RBMS3: variants seen among roughly 807,000 people sequenced by gnomAD.
The protein encoded by RBMS3 is RNA-binding motif, single-stranded-interacting protein 3.
Under a neutral mutation model 66.8 loss-of-function variants are expected in RBMS3, and 27 were observed. The ratio of observed to expected loss-of-function variants is 0.40; its 90% CI spans 0.30 to 0.56. The LOEUF (loss-of-function observed/expected upper bound fraction) is 0.56, where lower values mean the gene tolerates loss of function less well. Ranked by LOEUF, RBMS3 falls within the 20% of genes least tolerant of loss-of-function variation. RBMS3 has a pLI of 0.40. For synonymous variants in RBMS3, 188 were observed against 183.0 expected, an observed-to-expected ratio of 1.03 and a Z score of -0.22; for missense variants, 513 against 549.5, an observed-to-expected ratio of 0.93 and a Z score of 0.66.
intron 4 of RBMS3, among the ~76,000 whole-genome samples, chr3:29,645,991 C>A (rs531527269): frequency 2.0e-5 from 3 of 152,326 alleles, no homozygotes; most frequent in Non-Finnish European, 4.4e-5. Flanking sequence ...CTTAGGCAAT[C>A]TTGCTGGTTA....
At chr3:29,501,607 A>G (rs367826280) in intron 3 of RBMS3, among the ~76,000 whole-genome samples, 2 of 152,106 alleles carry the variant, frequency 1.3e-5, no homozygotes, top group African/African-American at 4.8e-5. Flanking sequence ...CCCTATCTGC[A>G]TTAGCATTTA....
chr3:29,864,618 G>A (rs9835824), intron 6 of RBMS3, among the ~76,000 whole-genome samples: 91 of 152,126 alleles, frequency 6.0e-4, no homozygotes, highest in Middle Eastern at 3.4e-3. Context: ...ACACATGACC[G>A]GGTTTCACAG....
intron 14 of RBMS3, among the ~76,000 whole-genome samples, chr3:29,998,930 T>C (rs1202054235): frequency 8.6e-5 from 13 of 151,918 alleles, no homozygotes; most frequent in Admixed American, 7.2e-4. Context: ...GGGATCTAAT[T>C]AAACTAAAGA....
intron 1 of RBMS3, 107 bp downstream of exon 1, chr3:29,281,863 C>A: frequency 2.3e-6 from 2 of 872,474 alleles, no homozygotes; most frequent in Non-Finnish European, 3.6e-6. Context: ...CCCATCACTT[C>A]TTCCTGCTTC....
At chr3:29,862,286 A>G (rs1309857875) in intron 6 of RBMS3, among the ~76,000 whole-genome samples, 1 of 152,206 alleles carries the variant, frequency 6.6e-6, no homozygotes, top group Non-Finnish European at 1.5e-5. Flanking sequence ...CCAGGTGATG[A>G]GTCCAGTGCT....
chr3:29,435,259 T>G (rs545290593), intron 2 of RBMS3, among the ~76,000 whole-genome samples: 1 of 152,322 alleles, frequency 6.6e-6, no homozygotes, highest in East Asian at 1.9e-4. Flanking sequence ...ACGATTTTCT[T>G]GAGAAGTATT....
At chr3:29,423,418 T>C (rs1286953960) in intron 1 of RBMS3, among the ~76,000 whole-genome samples, 2 of 152,234 alleles carry the variant, frequency 1.3e-5, no homozygotes, top group Non-Finnish European at 2.9e-5. Flanking sequence ...GAGGTATCAG[T>C]TGAAAGAGAG....
At chr3:29,974,374 T>A (rs1697417658) in intron 12 of RBMS3, among the ~76,000 whole-genome samples, 1 of 151,994 alleles carries the variant, frequency 6.6e-6, no homozygotes, top group South Asian at 2.1e-4. Context: ...TCCTTTTGAA[T>A]GAATAAATTG....
At chr3:29,818,030 A>T (rs1384834617) in intron 6 of RBMS3, among the ~76,000 whole-genome samples, 3 of 152,132 alleles carry the variant, frequency 2.0e-5, no homozygotes. Flanking sequence ...TCAATGTTTC[A>T]GCAATCTTCT....
Position 29,991,223 on chromosome 3 carries a change from G to A in RBMS3, c.1307+14G>A. ...CCAACAGTCTAAGTAAGTCTGGGCT[G>A]TGCTAAGCTCTTTTCCTCAAGATCA... is the stretch of plus-strand genomic sequence containing the variant. On this transcript the variant is annotated intron_variant, in intron 14 of 14. Transcript: ENST00000383767. The A allele has an allele frequency of 6.2e-7, 1 of 1,613,970 alleles. No homozygotes were observed. The highest frequency in any genetic ancestry group is 1.1e-5 in the South Asian group (1 of 91,016).
At chr3:29,828,879 C>G (rs909919021) in intron 6 of RBMS3, among the ~76,000 whole-genome samples, 1 of 152,102 alleles carries the variant, frequency 6.6e-6, no homozygotes, top group Admixed American at 6.5e-5. Context: ...TTTTTGTTCC[C>G]ATTCTAAAGA....
chr3:29,479,199 C>G (rs1219167695), intron 2 of RBMS3, among the ~76,000 whole-genome samples: 1 of 151,852 alleles, frequency 6.6e-6, no homozygotes, highest in South Asian at 2.1e-4. Flanking sequence ...ATAATATCAA[C>G]TAATTATGTA....
intron 6 of RBMS3, among the ~76,000 whole-genome samples, chr3:29,861,996 T>TA (rs776340208): frequency 2.6e-5 from 4 of 152,178 alleles, no homozygotes; most frequent in Non-Finnish European, 5.9e-5. Context: ...TAACTACTGT[T>TA]AAAAGAGACT....
At chr3:29,608,924 T>C (rs2048400230) in intron 4 of RBMS3, among the ~76,000 whole-genome samples, 2 of 151,796 alleles carry the variant, frequency 1.3e-5, no homozygotes, top group African/African-American at 4.8e-5. Flanking sequence ...TAATAGAAAG[T>C]GTGGTTTATG....
chr3:29,331,469 C>T (rs1312227042), intron 1 of RBMS3, among the ~76,000 whole-genome samples: 3 of 152,052 alleles, frequency 2.0e-5, no homozygotes, highest in Non-Finnish European at 4.4e-5. Context: ...CTCTTGCTTG[C>T]CTTATTTCCC....
chr3:29,650,486 T>C (rs879503114), intron 4 of RBMS3, among the ~76,000 whole-genome samples: 6 of 152,098 alleles, frequency 3.9e-5, no homozygotes, highest in Non-Finnish European at 5.9e-5. Context: ...AGACACCATG[T>C]CTCATTTTGT....
intron 6 of RBMS3, among the ~76,000 whole-genome samples, chr3:29,843,272 T>C (rs1156301518): frequency 2.6e-5 from 4 of 152,216 alleles, no homozygotes; most frequent in South Asian, 4.1e-4. Flanking sequence ...TGCATATTTT[T>C]AGAAGACAAA....
intron 4 of RBMS3, among the ~76,000 whole-genome samples, chr3:29,707,722 G>T (rs56063841): frequency 6.6e-6 from 1 of 152,168 alleles, no homozygotes; most frequent in African/African-American, 2.4e-5. Flanking sequence ...ATGGTCCCCT[G>T]CCATTTCTCT....
At chr3:29,450,014 G>T (rs781720485) in intron 2 of RBMS3, among the ~76,000 whole-genome samples, 17 of 152,228 alleles carry the variant, frequency 1.1e-4, no homozygotes, top group South Asian at 2.1e-4. Context: ...TATTTCAATT[G>T]AGAGTTTTCT....
Sources: gnomAD v4.1 joint callset for allele counts (sites outside exome capture counted in the v4.1 genomes callset) on GRCh38, gnomAD v4.1.1 for gene constraint, MANE v1.5 for transcripts, NCBI Gene and HGNC (gene_info 2026-07-23, HGNC 2026-07-21) for gene names.